Variants in DHX9 observed in about 807,000 individuals in gnomAD.
DHX9 encodes the protein DExH-box helicase 9.
DHX9 carries 27 observed loss-of-function variants against 148.7 expected under a neutral mutation model. That is an observed-to-expected ratio of 0.18 (90% confidence interval 0.13 to 0.25). The LOEUF (loss-of-function observed/expected upper bound fraction) is 0.25, where lower values mean the gene tolerates loss of function less well. DHX9 is among the 10% of genes least tolerant of loss of function. The pLI is 1.00. For missense variants in DHX9, 796 were observed against 1,559.6 expected (o/e 0.51, Z 8.25); for synonymous variants, 529 against 516.6 (o/e 1.02, Z -0.33).
chr1:182,854,190 T>G lies in DHX9; in HGVS notation c.626+12T>G, dbSNP rs971891075. On this transcript the variant is annotated intron_variant, in intron 6 of 27. Coordinates refer to ENST00000367549, the MANE Select transcript of DHX9 (RefSeq NM_001357.5). The stretch of plus-strand genomic sequence containing the variant: ...CCTGATCACAACAGGTTTGCTTGTT[T>G]CATTCTTTTCCTTCTGTAGTAAGTT... The G allele has an allele frequency of 6.3e-7, 1 of 1,578,868 alleles. No homozygotes were observed. The highest frequency in any genetic ancestry group is 8.6e-7 in the Non-Finnish European group (1 of 1,161,506).
intron 3 of DHX9, among the ~76,000 whole-genome samples, chr1:182,846,061 A>G (rs979058319): frequency 7.2e-5 from 11 of 152,104 alleles, no homozygotes; most frequent in Non-Finnish European, 1.6e-4. Flanking sequence ...TGGGACCGAA[A>G]GTTTCAGCCC....
intron 8 of DHX9, 97 bp from the exon 9 acceptor site, chr1:182,858,454 G>T (rs1668294974): frequency 8.4e-7 from 1 of 1,190,624 alleles, no homozygotes; most frequent in Non-Finnish European, 1.2e-6. Flanking sequence ...CTGACTATTG[G>T]TTTAGGAATA....
At position 182,887,800 on chromosome 1, in the gene DHX9, A is replaced by G. The variant is rs1031271725; in HGVS notation, c.*366A>G. On this transcript the variant is annotated 3_prime_UTR_variant, in exon 28 of 28. Transcript: ENST00000367549. ...ACCTCGTATGTTAGAAAATTTTACA[A>G]TGCCAGCTACATCTGTTGATTTTAA... is the stretch of plus-strand genomic sequence containing the variant. 2 of 200,846 alleles carry G rather than the reference A, an allele frequency of 1.0e-5. No individual in the cohort carries two copies. Among genetic ancestry groups the G allele is most frequent in the South Asian group, 9.7e-5 (1 of 10,352 alleles). The allele number at this position is 200,846 out of a possible 1,614,324, so 12.4% of individuals were successfully genotyped here. A position where few individuals can be genotyped will look rare whatever the true frequency, so the allele number is the denominator to read the frequency against.
intron 12 of DHX9, among the ~76,000 whole-genome samples, chr1:182,864,314 C>G (rs1648181880): frequency 6.6e-6 from 1 of 152,162 alleles, no homozygotes; most frequent in African/African-American, 2.4e-5. Context: ...GAACTCGTTG[C>G]CTCCAGCATT....
At chr1:182,839,752 GGGC>G (rs1667882601) in intron 1 of DHX9, 2 of 152,348 alleles carry the variant, frequency 1.3e-5, no homozygotes, top group African/African-American at 4.8e-5. Context: ...GCGTACGCCG[GGGC>G]ACCGCGGCGG....
rs1168063110 is a variant in DHX9, at chr1:182,852,339, A to G, written c.359A>G (p.Lys120Arg). 6 of 1,607,626 alleles carry G rather than the reference A, an allele frequency of 3.7e-6. No individual in the cohort carries two copies. The highest frequency in any genetic ancestry group is 4.5e-5 in the East Asian group (2 of 44,698). Reference protein sequence around the residue: ...GGPLPPHLALKAENNSEVGAS... With the variant: ...GGPLPPHLALRAENNSEVGAS... ...CCTCTTCCTCCACATCTGGCTCTCA[A>G]AGCAGGTAAGGGACTTGAATCCATG... Residue 120 changes from lysine (K) to arginine (R), a missense_variant, in exon 4 of 28, where the codon AAA becomes AGA. Lys to Arg is a conservative substitution (Grantham distance 26). Around this residue, in one of 14 missense-constraint regions of DHX9, gnomAD observed 89 missense variants for 77.5 expected, o/e 1.15. Coordinates refer to ENST00000367549, the MANE Select transcript of DHX9 (RefSeq NM_001357.5).
Position 182,876,545 on chromosome 1 carries a change from AAT to A in DHX9, c.2124+7_2124+8del, listed in dbSNP as rs1648766662. ...AGTACCAGTTGGAGTAACCAAGGTAAATATTAAACATTAGAGTGATGGGATTG... is the reference window on the plus strand; with the variant it reads ...AGTACCAGTTGGAGTAACCAAGGTAAATTAAACATTAGAGTGATGGGATTG... On this transcript the variant is annotated splice_donor_5th_base_variant and intron_variant, in intron 18 of 27. Coordinates refer to ENST00000367549, the MANE Select transcript of DHX9 (RefSeq NM_001357.5). 6.2e-7 allele frequency: 1 copy of A among 1,606,276 alleles called. No homozygotes were observed. The highest frequency in any genetic ancestry group is 1.3e-5 in the African/African-American group (1 of 74,718).
At chr1:182,860,252 A>G in intron 12 of DHX9, 68 bp downstream of exon 12, 1 of 1,260,658 alleles carries the variant, frequency 7.9e-7, no homozygotes. Flanking sequence ...TTGATTAACT[A>G]ATTTTTGTAA....
At position 182,887,076 on chromosome 1, in the gene DHX9, T is replaced by C. The variant is rs372436503; in HGVS notation, c.3462-7T>C. The C allele has an allele frequency of 2.5e-6, 4 of 1,610,524 alleles. No homozygotes were observed. Among genetic ancestry groups the C allele is most frequent in the Non-Finnish European group, 3.4e-6 (4 of 1,176,958 alleles). On this transcript the variant is annotated splice_polypyrimidine_tract_variant and splice_region_variant and intron_variant, in intron 27 of 27. Coordinates refer to ENST00000367549, the MANE Select transcript of DHX9 (RefSeq NM_001357.5). ...TTGCTAAAGTGATGGTTTTGTGCTT[T>C]TCCTAGGTATGGAGATGGTCCACGT...
chr1:182,879,975 C>T (rs1215412149), intron 21 of DHX9, among the ~76,000 whole-genome samples: 1 of 152,184 alleles, frequency 6.6e-6, no homozygotes, highest in East Asian at 1.9e-4. Flanking sequence ...CCACTCACCT[C>T]AGCCTCCCAA....
rs560117309 is a variant in DHX9, at chr1:182,851,679, A to G, written c.253-554A>G. 2.6e-5 allele frequency among the ~76,000 whole-genome samples: 4 copies of G among 152,334 alleles called. No individual in the cohort carries two copies. The South Asian group carries it at 8.3e-4, about 32-fold the overall frequency. ...GGTTTAAGAATTCAGAATTTTCCTT[A>G]GTTTAGAAAACCAATATATTTTATG... On this transcript the variant is annotated intron_variant, in intron 3 of 27. Transcript: ENST00000367549.
At position 182,863,147 on chromosome 1, in the gene DHX9, T is replaced by C. The variant is rs1648063321; in HGVS notation, c.1332+2963T>C. Among the ~76,000 whole-genome samples the C allele has an allele frequency of 1.3e-5, 2 of 152,244 alleles. 1 individual carries two copies. The highest frequency in any genetic ancestry group is 4.1e-4 in the South Asian group (2 of 4,836). On this transcript the variant is annotated intron_variant, in intron 12 of 27. Transcript: ENST00000367549. ...GCTTTCATCACTGGTACTTTCTAAC[T>C]AGTCTCACTTTTGTCGGTTATTGTT...
chr1:182,847,075 C>T (rs1156436446), intron 3 of DHX9, among the ~76,000 whole-genome samples: 1 of 152,034 alleles, frequency 6.6e-6, no homozygotes, highest in Admixed American at 6.5e-5. Context: ...TATGTTTTCT[C>T]TGGTGGCATT....
intron 18 of DHX9, 24 bp from the exon 19 acceptor site, chr1:182,876,806 A>G: frequency 6.5e-7 from 1 of 1,548,166 alleles, no homozygotes; most frequent in Non-Finnish European, 8.9e-7. Context: ...TATTTTCTGG[A>G]GTGTAATTTT....
intron 13 of DHX9, 101 bp downstream of exon 13, chr1:182,866,686 C>A: frequency 7.3e-7 from 1 of 1,374,412 alleles, no homozygotes; most frequent in Non-Finnish European, 9.9e-7. Context: ...ATGAGCCAGT[C>A]TCAGATTTCT....
intron 6 of DHX9, among the ~76,000 whole-genome samples, chr1:182,854,580 AAGCTTTGAG>A (rs1025500458): frequency 1.5e-4 from 23 of 152,194 alleles, no homozygotes; most frequent in African/African-American, 5.3e-4. Flanking sequence ...TTAGATACTT[AAGCTTTGAG>A]TCCCAGAATT....
In DHX9 at chr1:182,887,292, G is replaced by A. The variant is rs752724307; in HGVS notation, c.3671G>A (p.Gly1224Asp). Residue 1224 changes from glycine (G) to aspartate (D), a missense_variant, in exon 28 of 28, where the codon GGT (glycine) becomes GAT (aspartate). This residue lies in a region of DHX9 where 98 missense variants were observed against 105.5 expected (regional missense o/e 0.93). Transcript: ENST00000367549. ...GGAGGCTATAGAGGAGTTTCCCGAG[G>A]TGGCTTTAGAGGCAACTCTGGAGGA... ...VGGGYRGVSR[G>D]GFRGNSGGDY... is the part of the protein sequence containing the mutation. 1.1e-5 allele frequency: 18 copies of A among 1,614,068 alleles called. No homozygotes were observed. The highest frequency in any genetic ancestry group is 1.4e-5 in the Non-Finnish European group (16 of 1,180,036).
chr1:182,885,339 T>G (rs1649273931), intron 27 of DHX9, among the ~76,000 whole-genome samples: 1 of 152,148 alleles, frequency 6.6e-6, no homozygotes, highest in African/African-American at 2.4e-5. Context: ...TACATATACT[T>G]GATACTTACC....
intron 24 of DHX9, among the ~76,000 whole-genome samples, chr1:182,882,876 A>G (rs1649150586): frequency 6.6e-6 from 1 of 152,084 alleles, no homozygotes; most frequent in Non-Finnish European, 1.5e-5. Context: ...AAAAAAAAAA[A>G]AAAAGTAATC....
Sources: allele counts gnomAD v4.1 joint callset (sites outside exome capture counted in the v4.1 genomes callset), GRCh38; gene constraint gnomAD v4.1.1; regional missense constraint gnomAD v4.1.1; transcripts MANE v1.5; gene names NCBI Gene and HGNC (gene_info 2026-07-23, HGNC 2026-07-21).